Variants in BEND3 observed in about 807,000 individuals in gnomAD.
BEND3 encodes BEN domain containing 3, also known as BEN domain-containing protein 3.
A neutral mutation model predicts 60.1 loss-of-function variants in BEND3; 13 were observed. The ratio of observed to expected loss-of-function variants is 0.22; its 90% CI spans 0.14 to 0.34. The LOEUF (loss-of-function observed/expected upper bound fraction) is 0.34. Ranked by LOEUF, BEND3 falls within the 10% of genes least tolerant of loss-of-function variation. The probability of loss-of-function intolerance (pLI) is 1.00; values close to 1 mark genes in which losing one functional copy is unlikely to be tolerated. For synonymous variants in BEND3, 497 were observed against 491.5 expected, an observed-to-expected ratio of 1.01 and a Z score of -0.15; for missense variants, 896 against 1,138.1, an observed-to-expected ratio of 0.79 and a Z score of 3.06.
intron 3 of BEND3, among the ~76,000 whole-genome samples, chr6:107,089,059 T>C (rs1775415255): frequency 1.3e-5 from 2 of 151,022 alleles, no homozygotes; most frequent in South Asian, 2.1e-4. Context: ...GGCAGGAGAA[T>C]CACTTGAACC....
intron 3 of BEND3, 91 bp from the exon 4 acceptor site, chr6:107,071,041 G>T: frequency 7.9e-7 from 1 of 1,263,074 alleles, no homozygotes; most frequent in Non-Finnish European, 1.1e-6. Context: ...AGAGGCCGAG[G>T]TCAACCTTGG....
chr6:107,078,326 TG>T (rs1775141623), intron 3 of BEND3, among the ~76,000 whole-genome samples: 1 of 151,962 alleles, frequency 6.6e-6, no homozygotes, highest in Non-Finnish European at 1.5e-5. Context: ...GTGCCCAGGC[TG>T]GGTGTCCTCA....
intron 3 of BEND3, among the ~76,000 whole-genome samples, chr6:107,097,353 G>T (rs1386328877): frequency 6.7e-6 from 1 of 150,204 alleles, no homozygotes; most frequent in Non-Finnish European, 1.5e-5. Context: ...GGCAACAAGA[G>T]TGAAACTCTG....
chr6:107,068,560 G>C lies in BEND3; in HGVS notation c.*144C>G. ...CTTGCGGTTGGGTGGGTGTTTACGT[G>C]TGCAAATGTAGTAAGCCACTCCCCA... On this transcript the variant is annotated 3_prime_UTR_variant, in exon 4 of 4. Transcript: ENST00000369042. The surrounding 1 kb of genome is among the most constrained non-coding windows in gnomAD (Gnocchi z 5.8). The C allele has an allele frequency of 2.3e-6, 2 of 886,068 alleles. No homozygotes were observed. The highest frequency in any genetic ancestry group is 3.6e-5 in the South Asian group (2 of 55,694). 54.9% of individuals were successfully genotyped at this position (886,068 alleles called of 1,614,324 possible). A position where few individuals can be genotyped will look rare whatever the true frequency, so the allele number is the denominator to read the frequency against.
intron 3 of BEND3, among the ~76,000 whole-genome samples, chr6:107,078,888 A>G (rs985591084): frequency 2.6e-5 from 4 of 151,522 alleles, no homozygotes; most frequent in Admixed American, 1.3e-4. Context: ...CTCCACCCTC[A>G]GGCCTGTGCC....
intron 1 of BEND3, among the ~76,000 whole-genome samples, chr6:107,111,926 G>A (rs1257988298): frequency 6.6e-6 from 1 of 151,490 alleles, no homozygotes; most frequent in African/African-American, 2.4e-5. Context: ...ATGTTGCAGT[G>A]GGCCGAGATC....
At position 107,086,398 on chromosome 6, in the gene BEND3, C is replaced by T. The variant is rs547510628; in HGVS notation, c.240+12153G>A. 5.3e-5 allele frequency among the ~76,000 whole-genome samples: 8 copies of T among 151,950 alleles called. No homozygotes were observed. The East Asian group carries it at 7.8e-4, about 15-fold the overall frequency. On this transcript the variant is annotated intron_variant, in intron 3 of 3. Transcript: ENST00000369042. ...CCAGGAGGCCGAGGTGGGCGGATCA[C>T]GAGGTCAAGAGATCGAGACCATCCT...
Position 107,068,599 on chromosome 6 carries a change from CCTGT to C in BEND3, c.*101_*104del. On this transcript the variant is annotated 3_prime_UTR_variant, in exon 4 of 4. Transcript: ENST00000369042. This position sits in a 1 kb window ranked among gnomAD's most constrained non-coding sequence, Gnocchi z 5.8. Reference sequence around the variant, plus strand: ...AGCCACTCCCCACGGACATAAGGTGCCTGTCTGTGGATGCCATAGGCGTGCTCCC... The same window carrying C: ...AGCCACTCCCCACGGACATAAGGTGCCTGTGGATGCCATAGGCGTGCTCCC... The C allele has an allele frequency of 7.9e-7, 1 of 1,265,294 alleles. No homozygotes were observed. Among genetic ancestry groups the C allele is most frequent in the Non-Finnish European group, 1.1e-6 (1 of 919,238 alleles). The allele number at this position is 1,265,294 out of a possible 1,614,324, so 78.4% of individuals were successfully genotyped here. A position where few individuals can be genotyped will look rare whatever the true frequency, so the allele number is the denominator to read the frequency against.
At chr6:107,098,475 A>G (rs1762681) in intron 3 of BEND3, 76 bp downstream of exon 3, 100,246 of 1,509,288 alleles carry the variant, frequency 0.066, 7,803 homozygotes, top group East Asian at 0.36. Flanking sequence ...AGGATGCCCA[A>G]AACAAGAGGG....
chr6:107,066,277 C>T lies in BEND3; in HGVS notation c.*2427G>A, dbSNP rs1322891768. 6.6e-6 allele frequency: 1 copy of T among 152,222 alleles called. No homozygotes were observed. 9.4% of individuals were successfully genotyped at this position (152,222 alleles called of 1,614,324 possible). A position where few individuals can be genotyped will look rare whatever the true frequency, so the allele number is the denominator to read the frequency against. Reference sequence around the variant, plus strand: ...AATAAAAAAATGCCCACTGGAGCCACCTGTATGGATGGAGAAGTGAGGACA... The same window carrying T: ...AATAAAAAAATGCCCACTGGAGCCATCTGTATGGATGGAGAAGTGAGGACA... On this transcript the variant is annotated 3_prime_UTR_variant, in exon 4 of 4. Transcript: ENST00000369042.
intron 1 of BEND3, among the ~76,000 whole-genome samples, chr6:107,104,289 CAAAA>C (rs34091506): frequency 8.9e-5 from 9 of 101,660 alleles, no homozygotes; most frequent in Admixed American, 2.0e-4. Flanking sequence ...GACTCCGTCT[CAAAA>C]AAAAAAAAAA....
Position 107,069,117 on chromosome 6 carries a change from C to T in BEND3, c.2074G>A (p.Glu692Lys), listed in dbSNP as rs1774897843. The T allele has an allele frequency of 6.2e-7, 1 of 1,612,730 alleles. No individual in the cohort carries two copies. The highest frequency in any genetic ancestry group is 8.5e-7 in the Non-Finnish European group (1 of 1,179,950). The change falls in exon 4 of 4, where the codon GAG (glutamate) becomes AAG (lysine). Residue 692 changes from glutamate (E) to lysine (K), a missense_variant. Glu to Lys is a moderately conservative substitution (Grantham distance 56). Around this residue, in one of 4 missense-constraint regions of BEND3, gnomAD observed 846 missense variants for 1,036.7 expected, o/e 0.82. Transcript: ENST00000369042. ...EEFEGPPLPP[E>K]RSSKDFCKIP... ...TTGCAAAAGTCCTTGCTGCTCCTCTCGGGGGGCAGTGGGGGCCCCTCAAAC... is the reference window on the plus strand; with the variant it reads ...TTGCAAAAGTCCTTGCTGCTCCTCTTGGGGGGCAGTGGGGGCCCCTCAAAC...
chr6:107,099,985 T>C (rs1196133923), intron 1 of BEND3, among the ~76,000 whole-genome samples: 1 of 152,004 alleles, frequency 6.6e-6, no homozygotes, highest in East Asian at 1.9e-4. Context: ...TCCTCCTGCC[T>C]CAGCCTCTAG....
In BEND3 at chr6:107,068,719, C is replaced by T. The variant is rs374349131; in HGVS notation, c.2472G>A (p.Lys824=). 4 of 1,613,422 alleles carry T rather than the reference C, an allele frequency of 2.5e-6. No homozygotes were observed. Among genetic ancestry groups the T allele is most frequent in the East Asian group, 4.5e-5 (2 of 44,888 alleles). The change falls in exon 4 of 4, where the codon AAG becomes AAA. Residue 824 remains lysine (K), a synonymous_variant. Coordinates refer to ENST00000369042, the MANE Select transcript of BEND3 (RefSeq NM_001367314.1). This position sits in a 1 kb window ranked among gnomAD's most constrained non-coding sequence, Gnocchi z 5.8. ...RKKCDILKKA[K]KVEK ...TCACGGGCCTTCACTTCTCCACTTT[C>T]TTTGCTTTCTTGAGGATGTCGCATT...
chr6:107,104,247 G>A (rs1271780346), intron 1 of BEND3, among the ~76,000 whole-genome samples: 18 of 144,702 alleles, frequency 1.2e-4, no homozygotes, highest in African/African-American at 3.6e-4. Flanking sequence ...CCGAGATCGC[G>A]CCACTGCACT....
chr6:107,073,499 C>T (rs1167409172), intron 3 of BEND3, among the ~76,000 whole-genome samples: 1 of 151,872 alleles, frequency 6.6e-6, no homozygotes, highest in African/African-American at 2.4e-5. Flanking sequence ...GAGTCTATCC[C>T]CAGTGCCTAG....
chr6:107,087,503 C>T (rs140604472), intron 3 of BEND3, among the ~76,000 whole-genome samples: 20 of 152,176 alleles, frequency 1.3e-4, no homozygotes, highest in African/African-American at 4.1e-4. Flanking sequence ...CTTTAGGAGG[C>T]CGAGGCCGGC....
At chr6:107,091,932 A>T (rs1181883266) in intron 3 of BEND3, among the ~76,000 whole-genome samples, 1 of 152,174 alleles carries the variant, frequency 6.6e-6, no homozygotes, top group Non-Finnish European at 1.5e-5. Flanking sequence ...TTGAGTCGTA[A>T]TTCTGTCTCC....
rs782196758 is a variant in BEND3 at position 107,069,856 on chromosome 6, C to A, written c.1335G>T (p.Pro445=). 2 of 1,613,654 alleles carry A rather than the reference C, an allele frequency of 1.2e-6. No homozygotes were observed. The highest frequency in any genetic ancestry group is 2.2e-5 in the East Asian group (1 of 44,860). Residue 445 remains proline, a synonymous_variant, in exon 4 of 4, where the codon CCG becomes CCT. Transcript: ENST00000369042. The part of the protein sequence containing the change: ...YGDGGKQELD[P]QRLQIIRNYT... ...AGTTGCGGATGATCTGCAGCCGCTG[C>A]GGGTCCAGCTCCTGCTTTCCACCGT... is the stretch of plus-strand genomic sequence containing the variant.
Sources: gnomAD v4.1 joint callset for allele counts (sites outside exome capture counted in the v4.1 genomes callset) on GRCh38, gnomAD v4.1.1 for gene constraint, gnomAD v4.1.1 regional missense constraint, Gnocchi (gnomAD v3.1) non-coding constraint, MANE v1.5 for transcripts, NCBI Gene and HGNC (gene_info 2026-07-23, HGNC 2026-07-21) for gene names.